XKR9: variants seen among roughly 807,000 people sequenced by gnomAD.
XKR9 encodes the protein XK related 9.
A neutral mutation model predicts 32.0 loss-of-function variants in XKR9; 32 were observed. The observed-to-expected ratio is 1.00, with a 90% CI of 0.76 to 1.34. The LOEUF (loss-of-function observed/expected upper bound fraction) is 1.34. Among genes scored for constraint, XKR9 ranks in the 40% most tolerant of loss-of-function variants. XKR9 has a pLI of 0.00. For synonymous variants in XKR9, 168 were observed against 143.4 expected (o/e 1.17, Z -1.22); for missense variants, 546 against 429.7 (o/e 1.27, Z -2.39).
chr8:70,909,837 T>C, the XKR9 span, among the ~76,000 whole-genome samples: 1 of 149,716 alleles, frequency 6.7e-6, no homozygotes, highest in Non-Finnish European at 1.5e-5. Flanking sequence ...GCCTCCCAAG[T>C]AGCTGGGACT....
chr8:70,816,744 C>T, the XKR9 span, among the ~76,000 whole-genome samples: 24 of 59,912 alleles, frequency 4.0e-4, no homozygotes, highest in Admixed American at 9.5e-4. Context: ...ATCAACCAAA[C>T]CCGGCAGCAC....
chr8:71,011,159 T>G, the XKR9 span, among the ~76,000 whole-genome samples: 36 of 152,204 alleles, frequency 2.4e-4, no homozygotes, highest in African/African-American at 8.4e-4. Flanking sequence ...CCCCTCTCCT[T>G]CTCTCTCGTC....
At chr8:71,005,924 C>T in the XKR9 span, among the ~76,000 whole-genome samples, 4 of 152,168 alleles carry the variant, frequency 2.6e-5, no homozygotes, top group Non-Finnish European at 5.9e-5. Flanking sequence ...AGCCACTCTC[C>T]ACAAGAGGAA....
the XKR9 span, among the ~76,000 whole-genome samples, chr8:70,887,553 A>T: frequency 6.6e-6 from 1 of 152,164 alleles, no homozygotes. Flanking sequence ...CTTCCTGTCC[A>T]TGAGCATTGA....
the XKR9 span, among the ~76,000 whole-genome samples, chr8:70,906,704 C>T: frequency 1.3e-5 from 2 of 152,094 alleles, no homozygotes; most frequent in Admixed American, 6.6e-5. Context: ...TTTCTGCATT[C>T]GTTCTGAAAT....
chr8:70,781,458 C>T (rs2130252752), intron 2 of XKR9, among the ~76,000 whole-genome samples: 1 of 150,698 alleles, frequency 6.6e-6, no homozygotes, highest in South Asian at 2.1e-4. Context: ...TATTCCGATA[C>T]ATGTATGCAA....
the XKR9 span, among the ~76,000 whole-genome samples, chr8:70,888,333 C>T: frequency 1.3e-5 from 2 of 150,716 alleles, no homozygotes; most frequent in South Asian, 4.2e-4. Flanking sequence ...TGTTTGAGTT[C>T]CTTTTATATT....
chr8:70,773,471 C>T (rs550717072), intron 2 of XKR9, among the ~76,000 whole-genome samples: 13 of 152,290 alleles, frequency 8.5e-5, no homozygotes, highest in Admixed American at 5.9e-4. Context: ...TTTTAACAAG[C>T]TCCACATGCA....
chr8:70,886,967 A>G, the XKR9 span, among the ~76,000 whole-genome samples: 9 of 152,200 alleles, frequency 5.9e-5, no homozygotes, highest in South Asian at 4.1e-4. Context: ...GCTTATGCCT[A>G]TGTTCTTTAC....
intron 2 of XKR9, among the ~76,000 whole-genome samples, chr8:70,751,594 T>A (rs542011586): frequency 2.0e-5 from 3 of 152,294 alleles, no homozygotes; most frequent in African/African-American, 7.2e-5. Flanking sequence ...GTAGGTACCA[T>A]ACGATCATTT....
chr8:70,873,983 C>T, the XKR9 span, among the ~76,000 whole-genome samples: 4 of 152,180 alleles, frequency 2.6e-5, no homozygotes, highest in Non-Finnish European at 5.9e-5. Flanking sequence ...CAGCCACCAA[C>T]CCTGAGGTGT....
chr8:70,915,326 G>A, the XKR9 span, among the ~76,000 whole-genome samples: 1 of 152,116 alleles, frequency 6.6e-6, no homozygotes, highest in African/African-American at 2.4e-5. Context: ...GTTTTCCAAA[G>A]GTAGTCTTGT....
chr8:70,894,938 C>G, the XKR9 span, among the ~76,000 whole-genome samples: 1 of 152,086 alleles, frequency 6.6e-6, no homozygotes. Context: ...GAACAAGATA[C>G]ACTCCAGCTG....
Position 70,734,436 on chromosome 8 carries a change from A to G in XKR9, c.*12A>G, listed in dbSNP as rs747273885. ...TCCTAATGGAATAAGCTATTCATTT[A>G]TGATATATATTTTCTTATATTTTGT... On this transcript the variant is annotated 3_prime_UTR_variant, in exon 5 of 5. Transcript: ENST00000408926. 7 of 1,506,738 alleles carry G rather than the reference A, an allele frequency of 4.6e-6. No homozygotes were observed. Among genetic ancestry groups the G allele is most frequent in the East Asian group, 2.3e-5 (1 of 43,320 alleles). 93.3% of individuals were successfully genotyped at this position (1,506,738 alleles called of 1,614,324 possible). A position where few individuals can be genotyped will look rare whatever the true frequency, so the allele number is the denominator to read the frequency against.
the XKR9 span, among the ~76,000 whole-genome samples, chr8:71,040,403 A>G: frequency 2.0e-5 from 3 of 152,222 alleles, no homozygotes; most frequent in Non-Finnish European, 4.4e-5. Context: ...GTTAAATATC[A>G]GCAATTTTGT....
At position 70,785,735 on chromosome 8, in the gene XKR9, C is replaced by A. The variant is rs1037821381; in HGVS notation, n.353-3604C>A. On this transcript the variant is annotated intron_variant and non_coding_transcript_variant, in intron 2 of 3. Coordinates refer to the XKR9 transcript ENST00000520273. ...TTTTTTTTGCTCTCTCTCTCTCTCTCTCTCTATATATATATATATATGTAT... is the reference window on the plus strand; with the variant it reads ...TTTTTTTTGCTCTCTCTCTCTCTCTATCTCTATATATATATATATATGTAT... Among the ~76,000 whole-genome samples the A allele has an allele frequency of 9.9e-3, 1,125 of 113,066 alleles. 9 individuals carry two copies. The highest frequency in any genetic ancestry group is 0.018 in the African/African-American group (603 of 34,422). The allele number at this position is 113,066 out of a possible 152,430, so 74.2% of individuals were successfully genotyped here.
intron 4 of XKR9, among the ~76,000 whole-genome samples, chr8:70,716,639 C>T (rs1244295706): frequency 6.6e-6 from 1 of 152,122 alleles, no homozygotes; most frequent in African/African-American, 2.4e-5. Flanking sequence ...TTCCATGACA[C>T]GTGGGGCTTA....
At chr8:70,917,590 C>T in the XKR9 span, among the ~76,000 whole-genome samples, 1,474 of 152,178 alleles carry the variant, frequency 9.7e-3, 23 homozygotes, top group African/African-American at 0.034. Flanking sequence ...AGTGGAGGAA[C>T]ATCTATAGTT....
the XKR9 span, among the ~76,000 whole-genome samples, chr8:70,972,197 G>GTATTT: frequency 1.3e-5 from 2 of 152,026 alleles, no homozygotes; most frequent in Non-Finnish European, 2.9e-5. Context: ...ATATTCCTAA[G>GTATTT]TATTTTATTT....
Sources: allele counts gnomAD v4.1 joint callset (sites outside exome capture counted in the v4.1 genomes callset), GRCh38; gene constraint gnomAD v4.1.1; transcripts MANE v1.5; gene names NCBI Gene and HGNC (gene_info 2026-07-23, HGNC 2026-07-21).